CACNA1A: variants seen among roughly 807,000 people sequenced by gnomAD.
CACNA1A encodes voltage-dependent P/Q-type calcium channel subunit alpha-1A.
CACNA1A carries 57 observed loss-of-function variants against 262.4 expected under a neutral mutation model. The ratio of observed to expected loss-of-function variants is 0.22; its 90% confidence interval spans 0.18 to 0.27. The LOEUF is 0.27. Ranked by LOEUF, CACNA1A falls within the 10% of genes least tolerant of loss-of-function variation. CACNA1A has a pLI of 1.00. For synonymous variants in CACNA1A, 1,431 were observed against 1,419.3 expected, an observed-to-expected ratio of 1.01 and a Z score of -0.18; for missense variants, 2,526 against 3,562.8, an observed-to-expected ratio of 0.71 and a Z score of 7.41.
intron 3 of CACNA1A, among the ~76,000 whole-genome samples, chr19:13,406,473 A>ATATATATG (rs2060008505): frequency 1.4e-5 from 1 of 69,286 alleles, no homozygotes. Flanking sequence ...AATTATATAT[A>ATATATATG]TATATATATA....
At chr19:13,499,587 CTG>C (rs1180342112) in intron 1 of CACNA1A, among the ~76,000 whole-genome samples, 1 of 152,090 alleles carries the variant, frequency 6.6e-6, no homozygotes, top group East Asian at 1.9e-4. Context: ...GTGCTGGAGA[CTG>C]TGCTGGCCAT....
chr19:13,336,770 CTAT>C (rs2058584704), intron 6 of CACNA1A, among the ~76,000 whole-genome samples: 1 of 152,168 alleles, frequency 6.6e-6, no homozygotes, highest in Non-Finnish European at 1.5e-5. Flanking sequence ...GCCCATGTTA[CTAT>C]TGAGGAAACT....
At chr19:13,465,511 G>T (rs2061218226) in intron 1 of CACNA1A, among the ~76,000 whole-genome samples, 1 of 152,090 alleles carries the variant, frequency 6.6e-6, no homozygotes, top group Admixed American at 6.6e-5. Flanking sequence ...TTGAGATAGG[G>T]TCTCACTCTG....
At chr19:13,396,999 C>T (rs375032098) in intron 3 of CACNA1A, among the ~76,000 whole-genome samples, 5 of 152,208 alleles carry the variant, frequency 3.3e-5, no homozygotes, top group African/African-American at 1.2e-4. Flanking sequence ...TCTCTGAGGA[C>T]CTCAAACAGC....
intron 36 of CACNA1A, among the ~76,000 whole-genome samples, chr19:13,228,120 C>CT (rs1196394506): frequency 6.6e-6 from 1 of 151,816 alleles, no homozygotes; most frequent in African/African-American, 2.4e-5. Context: ...GTTGCCCAGG[C>CT]TGGTCTCAAA....
At chr19:13,415,176 T>C (rs2060198872) in intron 3 of CACNA1A, among the ~76,000 whole-genome samples, 1 of 150,970 alleles carries the variant, frequency 6.6e-6, no homozygotes, top group Admixed American at 6.6e-5. Flanking sequence ...GGGCAGGATT[T>C]GGGGGATGGA....
At chr19:13,464,543 ATTT>A (rs540418372) in intron 1 of CACNA1A, among the ~76,000 whole-genome samples, 85 of 128,928 alleles carry the variant, frequency 6.6e-4, no homozygotes, top group East Asian at 1.6e-3. Flanking sequence ...AACTTTTCCA[ATTT>A]TTTTTTTTTT....
At chr19:13,449,779 T>A (rs186161915) in intron 3 of CACNA1A, among the ~76,000 whole-genome samples, 1 of 152,236 alleles carries the variant, frequency 6.6e-6, no homozygotes, top group East Asian at 1.9e-4. Flanking sequence ...TTCAGGAAAG[T>A]GCCCCTGGAT....
At chr19:13,461,818 C>G (rs905011119) in intron 1 of CACNA1A, among the ~76,000 whole-genome samples, 1 of 152,126 alleles carries the variant, frequency 6.6e-6, no homozygotes, top group South Asian at 2.1e-4. Context: ...GAGGCCAAAG[C>G]GGGGCGGGGG....
chr19:13,235,492 A>G (rs2055843679), intron 32 of CACNA1A, 122 bp downstream of exon 32: 5 of 800,910 alleles, frequency 6.2e-6, no homozygotes, highest in South Asian at 2.9e-5. Context: ...AGCCTTGGAG[A>G]TAACAGATTC....
At chr19:13,292,502 T>G (rs1158681165) in intron 19 of CACNA1A, among the ~76,000 whole-genome samples, 1 of 151,786 alleles carries the variant, frequency 6.6e-6, no homozygotes, top group Non-Finnish European at 1.5e-5. Context: ...TAGTCCCAGC[T>G]GCTCGGGAGG....
intron 6 of CACNA1A, among the ~76,000 whole-genome samples, chr19:13,347,068 T>TTG (rs1491366260): frequency 1.2e-4 from 2 of 16,910 alleles, no homozygotes; most frequent in African/African-American, 2.6e-4. Flanking sequence ...TGTTTTTTTG[T>TTG]TTTTTTTTTT....
At chr19:13,261,796 T>TGATA in intron 25 of CACNA1A, 186 bp from the exon 26 acceptor site, 1 of 577,256 alleles carries the variant, frequency 1.7e-6, no homozygotes, top group Admixed American at 3.0e-5. Flanking sequence ...TTGGACTCAA[T>TGATA]CCTGGCATTC....
chr19:13,477,930 G>A (rs1236555102), intron 1 of CACNA1A, among the ~76,000 whole-genome samples: 2 of 152,146 alleles, frequency 1.3e-5, no homozygotes, highest in Admixed American at 1.3e-4. Flanking sequence ...CAGAGACCTC[G>A]TGACAGTCAT....
chr19:13,301,273 T>C (rs903442296), intron 17 of CACNA1A, among the ~76,000 whole-genome samples: 1 of 152,152 alleles, frequency 6.6e-6, no homozygotes, highest in African/African-American at 2.4e-5. Flanking sequence ...CCTGTCTTAA[T>C]GAGCTGGAAA....
chr19:13,475,688 C>A (rs1248147293), intron 1 of CACNA1A, among the ~76,000 whole-genome samples: 3 of 152,112 alleles, frequency 2.0e-5, no homozygotes, highest in Non-Finnish European at 4.4e-5. Context: ...CTAAATGGTC[C>A]ATGTCTTTTT....
At chr19:13,371,914 TCA>T in intron 3 of CACNA1A, 135 bp from the exon 4 acceptor site, 2 of 693,020 alleles carry the variant, frequency 2.9e-6, no homozygotes, top group Non-Finnish European at 5.3e-6. Context: ...ACCACTGGCC[TCA>T]GTTTTGTCAC....
At chr19:13,275,650 GT>G (rs2057128783) in intron 24 of CACNA1A, 199 bp downstream of exon 24, 1 of 591,496 alleles carries the variant, frequency 1.7e-6, no homozygotes, top group Non-Finnish European at 3.1e-6. Context: ...AGGAGGGGGG[GT>G]CCCTTCTCCT....
In CACNA1A at chr19:13,361,370, G is replaced by A. The variant is rs578139852; in HGVS notation, c.785-1571C>T. ...GTCCAAATCTTAAGGTATTGATGGGGTAGGGAGGCAGGAAAGCTCACATCT... is the reference window on the plus strand; with the variant it reads ...GTCCAAATCTTAAGGTATTGATGGGATAGGGAGGCAGGAAAGCTCACATCT... On this transcript the variant is annotated intron_variant, in intron 5 of 46. Transcript: ENST00000360228. Among the ~76,000 whole-genome samples, 24 of 152,320 alleles carry A rather than the reference G, an allele frequency of 1.6e-4. No individual in the cohort carries two copies. In the South Asian group the frequency reaches 4.8e-3, roughly 30 times the overall value.
Sources: gnomAD v4.1 joint callset for allele counts (sites outside exome capture counted in the v4.1 genomes callset) on GRCh38, gnomAD v4.1.1 for gene constraint, MANE v1.5 for transcripts, NCBI Gene and HGNC (gene_info 2026-07-23, HGNC 2026-07-21) for gene names.